ABLIM1: variants seen among roughly 807,000 people sequenced by gnomAD.
ABLIM1 encodes the protein actin-binding LIM protein 1.
Under a neutral mutation model 107.0 loss-of-function variants are expected in ABLIM1, and 40 were observed. That is an observed-to-expected ratio of 0.37 (90% CI 0.29 to 0.49). The LOEUF is 0.49. Among genes scored for constraint, ABLIM1 ranks in the 20% least tolerant of loss-of-function variants. ABLIM1 has a pLI of 0.97. For missense variants in ABLIM1, 857 were observed against 1,008.5 expected, an observed-to-expected ratio of 0.85 and a Z score of 2.04; for synonymous variants, 357 against 357.3, an observed-to-expected ratio of 1.00 and a Z score of 0.01.
In ABLIM1 at chr10:114,707,336, G is replaced by A. The variant is rs1054730670; in HGVS notation, c.-213+60725C>T. Among the ~76,000 whole-genome samples, 1 of 152,096 alleles carries A rather than the reference G, an allele frequency of 6.6e-6. No homozygotes were observed. The highest frequency in any genetic ancestry group is 2.4e-5 in the African/African-American group (1 of 41,422). ...CAATCTCTGCCTCCCAGGTTCAAGC[G>A]ATTCTCCAGCCTCAGCCTTCCGAGT... On this transcript the variant is annotated intron_variant, in intron 1 of 15. Coordinates refer to the ABLIM1 transcript ENST00000651092. The surrounding 1 kb of genome is among the most constrained non-coding windows in gnomAD (Gnocchi z 4.1).
intron 1 of ABLIM1, among the ~76,000 whole-genome samples, chr10:114,674,708 CTTT>C (rs74409388): frequency 2.2e-5 from 3 of 133,782 alleles, no homozygotes; most frequent in African/African-American, 5.5e-5. Flanking sequence ...AATTGTTATT[CTTT>C]TTTTTTTTTT....
chr10:114,759,018 A>G (rs2142552536), intron 1 of ABLIM1, among the ~76,000 whole-genome samples: 1 of 152,298 alleles, frequency 6.6e-6, no homozygotes, highest in Middle Eastern at 3.4e-3. Context: ...GCCTATAAAA[A>G]TTATCTAACA....
At chr10:114,787,428 C>A in the ABLIM1 span, among the ~76,000 whole-genome samples, 2 of 150,886 alleles carry the variant, frequency 1.3e-5, no homozygotes, top group Non-Finnish European at 3.0e-5. Flanking sequence ...CCCGCCCGGC[C>A]AGCCGCCCCA....
chr10:114,552,749 C>T (rs763365774), intron 4 of ABLIM1, among the ~76,000 whole-genome samples: 14 of 152,146 alleles, frequency 9.2e-5, no homozygotes, highest in Non-Finnish European at 1.6e-4. Flanking sequence ...GGGCTATGGA[C>T]ACTTGGGCTG....
intron 6 of ABLIM1, among the ~76,000 whole-genome samples, chr10:114,503,615 G>A (rs554787864): frequency 5.3e-5 from 8 of 152,088 alleles, no homozygotes; most frequent in Non-Finnish European, 7.4e-5. Flanking sequence ...TTTATGTTTC[G>A]CTTCAGTAGC....
intron 1 of ABLIM1, among the ~76,000 whole-genome samples, chr10:114,667,202 G>A (rs73362073): frequency 0.024 from 3,674 of 152,238 alleles, 108 homozygotes; most frequent in African/African-American, 0.077. Context: ...AGGTAGCGGG[G>A]TGCAAGATTT....
intron 6 of ABLIM1, among the ~76,000 whole-genome samples, chr10:114,510,069 G>T (rs960815819): frequency 6.6e-6 from 1 of 152,088 alleles, no homozygotes; most frequent in Non-Finnish European, 1.5e-5. Context: ...CTTCCACCAG[G>T]TCCCTCCCAT....
chr10:114,762,535 T>C (rs189385940), intron 1 of ABLIM1, among the ~76,000 whole-genome samples: 27 of 152,368 alleles, frequency 1.8e-4, no homozygotes, highest in Admixed American at 1.8e-3. Context: ...ACATTTTTCC[T>C]TTATTGGATT....
chr10:114,446,148 T>C (rs372433636), intron 15 of ABLIM1, among the ~76,000 whole-genome samples: 1 of 152,252 alleles, frequency 6.6e-6, no homozygotes, highest in African/African-American at 2.4e-5. Flanking sequence ...TTTTGTGACA[T>C]GCGTTTAAAC....
chr10:114,631,879 C>G lies in ABLIM1; in HGVS notation c.244+26078G>C, dbSNP rs560939990. ...CCATTCCAACTTCTGCAACCATGCACAGTGATCGATATTTATAATTACCTT... is the reference window on the plus strand; with the variant it reads ...CCATTCCAACTTCTGCAACCATGCAGAGTGATCGATATTTATAATTACCTT... On this transcript the variant is annotated intron_variant, in intron 1 of 22. Coordinates refer to ENST00000533213, the MANE Select transcript of ABLIM1 (RefSeq NM_002313.7). The G allele has an allele frequency of 1.4e-4, 184 of 1,303,980 alleles. 3 individuals carry two copies. The South Asian group carries it at 2.2e-3, about 16-fold the overall frequency. The allele number at this position is 1,303,980 out of a possible 1,614,324, so 80.8% of individuals were successfully genotyped here.
chr10:114,673,288 T>C (rs2080339578), intron 1 of ABLIM1, among the ~76,000 whole-genome samples: 1 of 150,356 alleles, frequency 6.7e-6, no homozygotes, highest in South Asian at 2.1e-4. Context: ...AAAACAAAAC[T>C]CTTTCCACCA....
intron 6 of ABLIM1, among the ~76,000 whole-genome samples, chr10:114,497,559 A>C (rs1424535349): frequency 6.6e-6 from 1 of 151,748 alleles, no homozygotes; most frequent in Non-Finnish European, 1.5e-5. Flanking sequence ...GCGGGCGCCT[A>C]TAGTCCCAGC....
intron 10 of ABLIM1, among the ~76,000 whole-genome samples, chr10:114,468,443 T>G (rs2065711974): frequency 6.6e-6 from 1 of 152,062 alleles, no homozygotes; most frequent in Non-Finnish European, 1.5e-5. Context: ...CCAGCTACTT[T>G]TTTTGTATTT....
At chr10:114,493,845 A>C (rs992356168) in intron 6 of ABLIM1, among the ~76,000 whole-genome samples, 66 of 152,366 alleles carry the variant, frequency 4.3e-4, no homozygotes, top group African/African-American at 1.5e-3. Flanking sequence ...GAACCTATTA[A>C]TGCAACACCC....
the ABLIM1 span, among the ~76,000 whole-genome samples, chr10:114,793,004 T>C: frequency 6.6e-6 from 1 of 151,870 alleles, no homozygotes; most frequent in African/African-American, 2.4e-5. Context: ...ATACAAAAAT[T>C]AGCCAGGAAT....
At position 114,536,436 on chromosome 10, in the gene ABLIM1, CG is replaced by C. The variant is rs553408797; in HGVS notation, c.894+8568del. 1.1e-3 allele frequency among the ~76,000 whole-genome samples: 171 copies of C among 151,174 alleles called. 1 individual carries two copies. Among genetic ancestry groups the C allele is most frequent in the Middle Eastern group, 3.4e-3 (1 of 294 alleles). ...CTAATTTTTGTATTTTTAGTAGAGA[CG>C]GGGTTTCACCATCCTGGCCAGGCTG... On this transcript the variant is annotated intron_variant, in intron 6 of 22. Transcript: ENST00000533213.
At chr10:114,440,123 G>A in intron 19 of ABLIM1, 34 bp from the exon 20 acceptor site, 1 of 1,588,668 alleles carries the variant, frequency 6.3e-7, no homozygotes, top group Non-Finnish European at 8.6e-7. Context: ...TATCATAAGG[G>A]AAAGACCATG....
At chr10:114,542,224 T>C (rs10749168) in intron 6 of ABLIM1, among the ~76,000 whole-genome samples, 61,819 of 151,502 alleles carry the variant, frequency 0.41, 13,811 homozygotes, top group Non-Finnish European at 0.51. Flanking sequence ...GCCTGGACAA[T>C]AGAGTGAGAC....
At chr10:114,493,571 G>T (rs1016827944) in intron 6 of ABLIM1, among the ~76,000 whole-genome samples, 1 of 152,000 alleles carries the variant, frequency 6.6e-6, no homozygotes, top group Non-Finnish European at 1.5e-5. Context: ...TAAAGATCAC[G>T]AATACAAAAA....
Sources: allele counts gnomAD v4.1 joint callset (sites outside exome capture counted in the v4.1 genomes callset), GRCh38; gene constraint gnomAD v4.1.1; non-coding constraint Gnocchi (gnomAD v3.1); transcripts MANE v1.5; gene names NCBI Gene and HGNC (gene_info 2026-07-23, HGNC 2026-07-21).